Variants in PDGFRB observed in about 807,000 individuals in gnomAD.
PDGFRB encodes the protein platelet derived growth factor receptor beta.
A neutral mutation model predicts 120.2 loss-of-function variants in PDGFRB; 42 were observed. The ratio of observed to expected loss-of-function variants is 0.35; its 90% CI spans 0.27 to 0.45. PDGFRB has a LOEUF of 0.45. Ranked by LOEUF, PDGFRB falls within the 20% of genes least tolerant of loss-of-function variation. PDGFRB has a pLI of 1.00. For synonymous variants in PDGFRB, 586 were observed against 606.8 expected, an observed-to-expected ratio of 0.97 and a Z score of 0.50; for missense variants, 1,149 against 1,476.3, an observed-to-expected ratio of 0.78 and a Z score of 3.63.
chr5:150,135,065 C>A, intron 3 of PDGFRB, 49 bp from the exon 4 acceptor site: 1 of 1,006,342 alleles, frequency 9.9e-7, no homozygotes, highest in South Asian at 1.5e-5. Context: ...GGTTTCTGGC[C>A]ATCCCCTGAA....
Position 150,120,788 on chromosome 5 carries a change from C to A in PDGFRB, c.2586+100G>T. 1 of 1,145,182 alleles carries A rather than the reference C, an allele frequency of 8.7e-7. No individual in the cohort carries two copies. The allele number at this position is 1,145,182 out of a possible 1,614,324, so 70.9% of individuals were successfully genotyped here. On this transcript the variant is annotated intron_variant, in intron 18 of 22. Transcript: ENST00000261799. The surrounding 1 kb of genome is among the most constrained non-coding windows in gnomAD (Gnocchi z 4.3). The stretch of plus-strand genomic sequence containing the variant: ...AGGGCAGGCCACAAGGAGCCCCACA[C>A]AGATTTCCTATGAGCTGCAGCCACA...
rs748262820 is a variant in PDGFRB at position 150,133,552 on chromosome 5, G to A, written c.934+34C>T. 1.9e-6 allele frequency: 3 copies of A among 1,583,440 alleles called. No homozygotes were observed. The South Asian group carries it at 3.3e-5, about 18-fold the overall frequency. Reference sequence around the variant, plus strand: ...TGGGTGAGGGTGGGGAGCGTTGAAGGAATTGGGGATTGGGCTGAGCCCAAG... The same window carrying A: ...TGGGTGAGGGTGGGGAGCGTTGAAGAAATTGGGGATTGGGCTGAGCCCAAG... On this transcript the variant is annotated intron_variant, in intron 6 of 22. Transcript: ENST00000261799.
chr5:150,138,292 A>G (rs888620774), intron 1 of PDGFRB, among the ~76,000 whole-genome samples: 4 of 151,960 alleles, frequency 2.6e-5, no homozygotes, highest in African/African-American at 9.7e-5. Context: ...GCTTGCCCCT[A>G]CCTCCCCATC....
Position 150,133,603 on chromosome 5 carries a change from A to G in PDGFRB, c.917T>C (p.Ile306Thr). The G allele has an allele frequency of 6.2e-7, 1 of 1,613,990 alleles. No homozygotes were observed. Among genetic ancestry groups the G allele is most frequent in the South Asian group, 1.1e-5 (1 of 91,074 alleles). ...SVNDHQDEKAINITVVESGYV... is the reference protein window; with the variant it reads ...SVNDHQDEKATNITVVESGYV... Reference sequence around the variant, plus strand: ...GCACACACCAACCACGGTGATGTTGATGGCCTTTTCATCCTGATGGTCATT... The same window carrying G: ...GCACACACCAACCACGGTGATGTTGGTGGCCTTTTCATCCTGATGGTCATT... The change falls in exon 6 of 23, where the codon ATC becomes ACC. Residue 306 changes from isoleucine (I) to threonine (T), a missense_variant. Ile to Thr is a moderately conservative substitution (Grantham distance 89). Around this residue, in one of 3 missense-constraint regions of PDGFRB, gnomAD observed 879 missense variants for 1,108.6 expected, o/e 0.79. Transcript: ENST00000261799.
chr5:150,124,397 T>C (rs2113895289), intron 13 of PDGFRB, 37 bp from the exon 14 acceptor site: 2 of 1,479,872 alleles, frequency 1.4e-6, no homozygotes, highest in Non-Finnish European at 1.9e-6. Flanking sequence ...GGCCCAGTCA[T>C]GGAGGCTCCA....
At chr5:150,126,691 A>G in intron 10 of PDGFRB, 77 bp from the exon 11 acceptor site, 1 of 789,978 alleles carries the variant, frequency 1.3e-6, no homozygotes, top group Non-Finnish European at 2.3e-6. Flanking sequence ...GGCATCATAG[A>G]TCCCTCCGTA....
At chr5:150,124,446 C>T in intron 13 of PDGFRB, 86 bp from the exon 14 acceptor site, 1 of 983,644 alleles carries the variant, frequency 1.0e-6, no homozygotes, top group Non-Finnish European at 1.6e-6. Context: ...GACTCTTCTG[C>T]CCCGCCCTGT....
chr5:150,154,512 C>T (rs1024063522), intron 1 of PDGFRB, among the ~76,000 whole-genome samples: 2 of 152,140 alleles, frequency 1.3e-5, no homozygotes, highest in Non-Finnish European at 2.9e-5. Context: ...AGCACAGTTG[C>T]GGCGTGCAGT....
chr5:150,150,627 G>T (rs1422077735), intron 1 of PDGFRB, among the ~76,000 whole-genome samples: 1 of 152,020 alleles, frequency 6.6e-6, no homozygotes, highest in African/African-American at 2.4e-5. Flanking sequence ...GCGGGGGCAG[G>T]GTGGGCTCTG....
chr5:150,121,465 C>T lies in PDGFRB; in HGVS notation c.2345-143G>A. 1 of 651,962 alleles carries T rather than the reference C, an allele frequency of 1.5e-6. No individual in the cohort carries two copies. The highest frequency in any genetic ancestry group is 2.4e-5 in the Admixed American group (1 of 41,438). The allele number at this position is 651,962 out of a possible 1,614,324, so 40.4% of individuals were successfully genotyped here. A position where few individuals can be genotyped will look rare whatever the true frequency, so the allele number is the denominator to read the frequency against. On this transcript the variant is annotated intron_variant, in intron 16 of 22. Coordinates refer to ENST00000261799, the MANE Select transcript of PDGFRB (RefSeq NM_002609.4). This position sits in a 1 kb window ranked among gnomAD's most constrained non-coding sequence, Gnocchi z 4.1. ...GTCTCCCCTAAAAGGAGAATGATTT[C>T]TTAATATCAAACTCAAAGTTCTCCT... is the stretch of plus-strand genomic sequence containing the variant.
chr5:150,140,628 G>A (rs1183533630), intron 1 of PDGFRB, among the ~76,000 whole-genome samples: 1 of 151,838 alleles, frequency 6.6e-6, no homozygotes, highest in African/African-American at 2.4e-5. Context: ...GGAACCCCAA[G>A]TTCAGGGGAG....
intron 1 of PDGFRB, among the ~76,000 whole-genome samples, chr5:150,153,251 G>C (rs1254698767): frequency 6.6e-6 from 1 of 152,246 alleles, no homozygotes; most frequent in Non-Finnish European, 1.5e-5. Flanking sequence ...GATAACTGCT[G>C]TCTGGGAGGA....
At chr5:150,133,554 A>G in intron 6 of PDGFRB, 32 bp downstream of exon 6, 1 of 1,588,762 alleles carries the variant, frequency 6.3e-7, no homozygotes, top group Non-Finnish European at 8.6e-7. Flanking sequence ...CGTTGAAGGA[A>G]TTGGGGATTG....
At chr5:150,130,106 T>C (rs1316578071) in intron 9 of PDGFRB, 138 bp from the exon 10 acceptor site, 2 of 704,230 alleles carry the variant, frequency 2.8e-6, no homozygotes, top group Non-Finnish European at 5.0e-6. Context: ...GCTCCTCCTG[T>C]GCTCCCTCTA....
chr5:150,135,469 T>C, intron 3 of PDGFRB, 86 bp downstream of exon 3: 1 of 867,672 alleles, frequency 1.2e-6, no homozygotes, highest in Non-Finnish European at 1.8e-6. Context: ...CATTTCACAA[T>C]AAACTAAAGC....
chr5:150,119,617 G>A, intron 19 of PDGFRB, 51 bp from the exon 20 acceptor site: 1 of 1,095,950 alleles, frequency 9.1e-7, no homozygotes, highest in Admixed American at 1.7e-5. Context: ...TGGAAAAGTG[G>A]CAGGGCACCC....
intron 2 of PDGFRB, among the ~76,000 whole-genome samples, chr5:150,136,430 C>T (rs986119259): frequency 2.6e-5 from 4 of 152,176 alleles, no homozygotes; most frequent in Admixed American, 2.0e-4. Flanking sequence ...CCCTCCACGA[C>T]ATCCCCTGGA....
rs148757662 is a variant in PDGFRB, at chr5:150,116,736, G to A, written c.3138-790C>T. Reference sequence around the variant, plus strand: ...AGCATTCACACCTCAAGCTGTGTGAGCGCTGCACTTCACTCCTCTGCACCA... The same window carrying A: ...AGCATTCACACCTCAAGCTGTGTGAACGCTGCACTTCACTCCTCTGCACCA... On this transcript the variant is annotated intron_variant, in intron 22 of 22. Coordinates refer to ENST00000261799, the MANE Select transcript of PDGFRB (RefSeq NM_002609.4). 2.0e-5 allele frequency among the ~76,000 whole-genome samples: 3 copies of A among 152,314 alleles called. No individual in the cohort carries two copies. The East Asian group carries it at 5.8e-4, about 29-fold the overall frequency.
Position 150,124,784 on chromosome 5 carries a change from C to T in PDGFRB, c.1855G>A (p.Ala619Thr), listed in dbSNP as rs2113895902. 2 of 1,609,756 alleles carry T rather than the reference C, an allele frequency of 1.2e-6. No homozygotes were observed. Among genetic ancestry groups the T allele is most frequent in the Non-Finnish European group, 8.5e-7 (1 of 1,177,098 alleles). Residue 619 changes from alanine to threonine, a missense_variant, in exon 13 of 23, where the codon GCT becomes ACT. Physicochemically the swap from Ala to Thr is moderately conservative, Grantham distance 58 (BLOSUM62 0). Coordinates refer to ENST00000261799, the MANE Select transcript of PDGFRB (RefSeq NM_002609.4). ...GCCTGAGAATGGCTCAGGCCATGAGCCGTGGCCTCCACCACCTGCCCAAAG... is the reference window on the plus strand; with the variant it reads ...GCCTGAGAATGGCTCAGGCCATGAGTCGTGGCCTCCACCACCTGCCCAAAG... ...GAFGQVVEAT[A>T]HGLSHSQATM...
Sources: allele counts gnomAD v4.1 joint callset (sites outside exome capture counted in the v4.1 genomes callset), GRCh38; gene constraint gnomAD v4.1.1; regional missense constraint gnomAD v4.1.1; non-coding constraint Gnocchi (gnomAD v3.1); transcripts MANE v1.5; gene names NCBI Gene and HGNC (gene_info 2026-07-23, HGNC 2026-07-21).